The following ERC1 variants were observed in gnomAD, a reference collection of about 807,000 sequenced individuals.
ERC1 encodes ELKS/RAB6-interacting/CAST family member 1, also known as RAB6 interacting protein 2.
A neutral mutation model predicts 132.0 loss-of-function variants in ERC1; 56 were observed. The observed-to-expected ratio is 0.42, with a 90% confidence interval of 0.34 to 0.53. ERC1 has a LOEUF of 0.53. Among genes scored for constraint, ERC1 ranks in the 20% least tolerant of loss-of-function variants. The pLI is 0.03. For synonymous variants in ERC1, 478 were observed against 476.1 expected, an observed-to-expected ratio of 1.00 and a Z score of -0.05; for missense variants, 1,202 against 1,349.9, an observed-to-expected ratio of 0.89 and a Z score of 1.72.
chr12:1,441,350 C>T (rs763447725), intron 17 of ERC1, among the ~76,000 whole-genome samples: 1 of 152,114 alleles, frequency 6.6e-6, no homozygotes, highest in Non-Finnish European at 1.5e-5. Context: ...CATGAGCCAC[C>T]GTGCCCGGCT....
At chr12:1,332,246 C>A (rs1210483920) in intron 15 of ERC1, among the ~76,000 whole-genome samples, 5 of 152,132 alleles carry the variant, frequency 3.3e-5, no homozygotes, top group African/African-American at 1.2e-4. Flanking sequence ...AACTTTCTTA[C>A]AATTGGAATG....
At chr12:1,178,365 A>G (rs1245776614) in intron 8 of ERC1, among the ~76,000 whole-genome samples, 1 of 152,166 alleles carries the variant, frequency 6.6e-6, no homozygotes, top group African/African-American at 2.4e-5. Flanking sequence ...GTTTACTATG[A>G]TCTGAGATGT....
intron 13 of ERC1, chr12:1,257,040 G>A (rs1208679850): frequency 6.6e-6 from 1 of 150,802 alleles, no homozygotes; most frequent in Non-Finnish European, 1.5e-5. Context: ...GGATTGGTCT[G>A]TATGAACCGT....
intron 7 of ERC1, among the ~76,000 whole-genome samples, chr12:1,118,972 G>A (rs535091369): frequency 1.3e-5 from 2 of 152,294 alleles, no homozygotes; most frequent in Admixed American, 1.3e-4. Flanking sequence ...GAACTCCTGG[G>A]ATCAAACGCT....
intron 2 of ERC1, among the ~76,000 whole-genome samples, chr12:1,070,371 G>C (rs1940118393): frequency 6.6e-6 from 1 of 151,774 alleles, no homozygotes; most frequent in South Asian, 2.1e-4. Flanking sequence ...CATGATCATG[G>C]TTCACTGCAG....
chr12:1,264,046 T>C (rs544772373), intron 14 of ERC1, among the ~76,000 whole-genome samples: 44 of 152,058 alleles, frequency 2.9e-4, no homozygotes, highest in Admixed American at 4.6e-4. Flanking sequence ...AAATAGCTAA[T>C]ATTTTATTCA....
At chr12:1,110,170 C>T (rs1038811717) in intron 4 of ERC1, 22 bp from the exon 5 acceptor site, 4 of 1,569,820 alleles carry the variant, frequency 2.5e-6, no homozygotes, top group Non-Finnish European at 3.4e-6. Context: ...ACTTCAATCA[C>T]TAAATCTTCC....
rs147795482 is a variant in ERC1, at chr12:1,166,261, A to G, written c.1738-14279A>G. Among the ~76,000 whole-genome samples the G allele has an allele frequency of 9.8e-5, 15 of 152,302 alleles. No individual in the cohort carries two copies. In the East Asian group the frequency reaches 2.5e-3, roughly 25 times the overall value. Reference sequence around the variant, plus strand: ...TCTCGTGCTGTTCTTGCAATAGTGAATAAGTCTCACGAGATCTGATGGTTT... The same window carrying G: ...TCTCGTGCTGTTCTTGCAATAGTGAGTAAGTCTCACGAGATCTGATGGTTT... On this transcript the variant is annotated intron_variant, in intron 8 of 18. Transcript: ENST00000360905.
chr12:1,029,841 A>G (rs764781424), intron 2 of ERC1, among the ~76,000 whole-genome samples: 2 of 138,730 alleles, frequency 1.4e-5, no homozygotes, highest in Admixed American at 8.4e-5. Context: ...TCCACCTCCC[A>G]GGTTCAAGTG....
At chr12:1,270,713 C>A (rs2077781545) in intron 14 of ERC1, among the ~76,000 whole-genome samples, 2 of 151,404 alleles carry the variant, frequency 1.3e-5, no homozygotes, top group African/African-American at 4.8e-5. Context: ...TGATTCTAAT[C>A]ATAACTCAGT....
At chr12:1,024,584 T>C (rs1283291823) in intron 1 of ERC1, among the ~76,000 whole-genome samples, 1 of 152,178 alleles carries the variant, frequency 6.6e-6, no homozygotes, top group African/African-American at 2.4e-5. Context: ...GAAACACTTA[T>C]AAGAATCAAT....
At chr12:1,486,038 G>C (rs970826729) in intron 18 of ERC1, among the ~76,000 whole-genome samples, 1 of 152,086 alleles carries the variant, frequency 6.6e-6, no homozygotes, top group Non-Finnish European at 1.5e-5. Context: ...ATGCTTCCTG[G>C]TCATATCCTA....
intron 17 of ERC1, among the ~76,000 whole-genome samples, chr12:1,424,385 C>T (rs1591964586): frequency 6.6e-6 from 1 of 152,294 alleles, no homozygotes; most frequent in Non-Finnish European, 1.5e-5. Flanking sequence ...TTACTGCTTT[C>T]CTGATATTTG....
intron 1 of ERC1, among the ~76,000 whole-genome samples, chr12:1,017,778 C>T (rs1346484654): frequency 1.3e-5 from 2 of 152,126 alleles, no homozygotes; most frequent in Admixed American, 6.5e-5. Context: ...GGATTACAGG[C>T]GTGAGCCACC....
At chr12:1,205,397 C>CTGTG (rs551630470) in intron 12 of ERC1, among the ~76,000 whole-genome samples, 1 of 135,684 alleles carries the variant, frequency 7.4e-6, no homozygotes, top group Admixed American at 7.4e-5. Flanking sequence ...ATATATATAT[C>CTGTG]TGTGTGTGTG....
At chr12:1,261,666 CTTTTG>C (rs371551466) in intron 13 of ERC1, among the ~76,000 whole-genome samples, 2,443 of 151,710 alleles carry the variant, frequency 0.016, 66 homozygotes, top group African/African-American at 0.054. Flanking sequence ...CGTTTGTTTT[CTTTTG>C]TTTTGTTTTG....
At chr12:1,045,068 A>G (rs757030817) in intron 2 of ERC1, among the ~76,000 whole-genome samples, 1 of 152,148 alleles carries the variant, frequency 6.6e-6, no homozygotes, top group Non-Finnish European at 1.5e-5. Flanking sequence ...TTGTATGAAG[A>G]TGACTTAACA....
At chr12:1,371,299 C>A (rs930547794) in intron 15 of ERC1, among the ~76,000 whole-genome samples, 2 of 152,166 alleles carry the variant, frequency 1.3e-5, no homozygotes, top group Non-Finnish European at 2.9e-5. Flanking sequence ...ATTTGTCCTT[C>A]TGTGACTGGC....
chr12:1,000,849 AACTT>A (rs1322948019), intron 1 of ERC1, among the ~76,000 whole-genome samples: 1 of 152,214 alleles, frequency 6.6e-6, no homozygotes, highest in Admixed American at 6.5e-5. Flanking sequence ...GTAGGAATAT[AACTT>A]ACCTTTTGAA....
Sources: gnomAD v4.1 joint callset for allele counts (sites outside exome capture counted in the v4.1 genomes callset) on GRCh38, gnomAD v4.1.1 for gene constraint, MANE v1.5 for transcripts, NCBI Gene and HGNC (gene_info 2026-07-23, HGNC 2026-07-21) for gene names.